Variants in DOCK3 observed in about 807,000 individuals in gnomAD.
DOCK3 encodes the protein dedicator of cytokinesis protein 3.
DOCK3 carries 60 observed loss-of-function variants against 265.6 expected under a neutral mutation model. The observed-to-expected ratio is 0.23, with a 90% CI of 0.18 to 0.28. The LOEUF (loss-of-function observed/expected upper bound fraction) is 0.28. DOCK3 is among the 10% of genes least tolerant of loss of function. The pLI, the probability that DOCK3 is intolerant of heterozygous loss-of-function variation, is 1.00. For synonymous variants in DOCK3, 881 were observed against 938.0 expected, an observed-to-expected ratio of 0.94 and a Z score of 1.11; for missense variants, 1,981 against 2,594.3, an observed-to-expected ratio of 0.76 and a Z score of 5.14.
intron 3 of DOCK3, chr3:50,877,249 C>G (rs2047748046): frequency 2.6e-5 from 9 of 341,454 alleles, no homozygotes; most frequent in South Asian, 2.1e-4. Context: ...CCTTCTTAAC[C>G]CTTTTTATTC....
rs1156713400 is a variant in DOCK3, at chr3:51,171,866, TCTG to T, written c.1037+11167_1037+11169del. The stretch of plus-strand genomic sequence containing the variant: ...CACTTGGTTTACACTGTTACTCAAG[TCTG>T]CTATTTCATTATTGATTTTCTGTTT... On this transcript the variant is annotated intron_variant, in intron 12 of 52. Coordinates refer to ENST00000266037, the MANE Select transcript of DOCK3 (RefSeq NM_004947.5). Among the ~76,000 whole-genome samples, 13 of 152,306 alleles carry T rather than the reference TCTG, an allele frequency of 8.5e-5. No individual in the cohort carries two copies. The South Asian group carries it at 2.3e-3, about 27-fold the overall frequency.
chr3:51,062,255 T>A (rs578214574), intron 5 of DOCK3, among the ~76,000 whole-genome samples: 1 of 152,286 alleles, frequency 6.6e-6, no homozygotes, highest in Admixed American at 6.5e-5. Flanking sequence ...GCCAAAGCCT[T>A]AAGGTGGTTT....
At chr3:51,133,212 C>A (rs183084123) in intron 9 of DOCK3, among the ~76,000 whole-genome samples, 1 of 152,100 alleles carries the variant, frequency 6.6e-6, no homozygotes, top group East Asian at 1.9e-4. Context: ...ATGTGCACAA[C>A]GTGCAGGTTT....
chr3:50,926,050 A>G (rs1323963488), intron 4 of DOCK3, among the ~76,000 whole-genome samples: 3 of 151,824 alleles, frequency 2.0e-5, no homozygotes, highest in Non-Finnish European at 4.4e-5. Context: ...CCAGGCTGGT[A>G]TCAAACTCCT....
chr3:50,910,509 C>T (rs2049801138), intron 4 of DOCK3, among the ~76,000 whole-genome samples: 1 of 152,104 alleles, frequency 6.6e-6, no homozygotes, highest in Non-Finnish European at 1.5e-5. Context: ...GCCTAGACTG[C>T]ATTTCAAATT....
chr3:51,381,685 C>G lies in DOCK3; in HGVS notation c.*126C>G. ...AGGCTTGCACTCAGGAGAGAACCACCCCCAAGTCTCCGTTCTACTGCCGTG... is the reference window on the plus strand; with the variant it reads ...AGGCTTGCACTCAGGAGAGAACCACGCCCAAGTCTCCGTTCTACTGCCGTG... On this transcript the variant is annotated 3_prime_UTR_variant, in exon 53 of 53. Coordinates refer to ENST00000266037, the MANE Select transcript of DOCK3 (RefSeq NM_004947.5). This position sits in a 1 kb window ranked among gnomAD's most constrained non-coding sequence, Gnocchi z 5.6. 7.7e-7 allele frequency: 1 copy of G among 1,299,946 alleles called. No homozygotes were observed. The highest frequency in any genetic ancestry group is 1.0e-6 in the Non-Finnish European group (1 of 981,028). The allele number at this position is 1,299,946 out of a possible 1,614,324, so 80.5% of individuals were successfully genotyped here. A position where few individuals can be genotyped will look rare whatever the true frequency, so the allele number is the denominator to read the frequency against.
chr3:50,848,049 G>T (rs114677784), intron 3 of DOCK3, among the ~76,000 whole-genome samples: 1 of 67,810 alleles, frequency 1.5e-5, no homozygotes, highest in African/African-American at 6.0e-5. Context: ...ATTATATCAC[G>T]CTCTTCTTTG....
chr3:50,888,427 C>T (rs1057161209), intron 3 of DOCK3, among the ~76,000 whole-genome samples: 8 of 152,104 alleles, frequency 5.3e-5, no homozygotes, highest in Non-Finnish European at 1.2e-4. Context: ...TGAAAATGGC[C>T]ATACTGCCCA....
intron 5 of DOCK3, among the ~76,000 whole-genome samples, chr3:50,973,648 A>G (rs2077330261): frequency 7.2e-6 from 1 of 138,434 alleles, no homozygotes; most frequent in Non-Finnish European, 1.5e-5. Flanking sequence ...CTTTGGGTAT[A>G]TACCCAGTAA....
At chr3:51,342,649 C>T (rs1286379962) in intron 38 of DOCK3, among the ~76,000 whole-genome samples, 1 of 152,176 alleles carries the variant, frequency 6.6e-6, no homozygotes. Context: ...GAGAGTTATC[C>T]TAATCTGACT....
At chr3:50,930,400 C>T (rs2050994304) in intron 4 of DOCK3, among the ~76,000 whole-genome samples, 1 of 152,196 alleles carries the variant, frequency 6.6e-6, no homozygotes, top group Non-Finnish European at 1.5e-5. Flanking sequence ...TCTGCCTGCT[C>T]CCTGCCCACA....
intron 2 of DOCK3, among the ~76,000 whole-genome samples, chr3:50,786,006 A>T (rs1420661240): frequency 6.6e-6 from 1 of 150,472 alleles, no homozygotes; most frequent in African/African-American, 2.5e-5. Flanking sequence ...TTGTCTGTTC[A>T]GAGTTTCTGT....
intron 5 of DOCK3, among the ~76,000 whole-genome samples, chr3:50,953,456 T>C (rs959429420): frequency 3.9e-5 from 6 of 152,096 alleles, no homozygotes; most frequent in African/African-American, 1.4e-4. Flanking sequence ...TTTCCACACC[T>C]AGTTATACAG....
In DOCK3 at chr3:50,707,156, G is replaced by T. The variant is rs574939811; in HGVS notation, c.37+31856G>T. 3.3e-5 allele frequency among the ~76,000 whole-genome samples: 5 copies of T among 152,194 alleles called. No homozygotes were observed. In the South Asian group the frequency reaches 1.0e-3, roughly 32 times the overall value. On this transcript the variant is annotated intron_variant, in intron 1 of 52. Coordinates refer to ENST00000266037, the MANE Select transcript of DOCK3 (RefSeq NM_004947.5). Reference sequence around the variant, plus strand: ...AGAAGCAGATGTTGCCATGCTTCCTGTACTACCTGTGGAACTGTGAGCCAG... The same window carrying T: ...AGAAGCAGATGTTGCCATGCTTCCTTTACTACCTGTGGAACTGTGAGCCAG...
rs199738845 is a variant in DOCK3 at position 51,339,031 on chromosome 3, A to G, written c.3766+3A>G. On this transcript the variant is annotated splice_donor_region_variant and intron_variant, in intron 37 of 52. Transcript: ENST00000266037. ...CTTGCAGGCCGAAAACTACACAGGTAAGTGGGGAGAAGAGAGAGCCATGCC... is the reference window on the plus strand; with the variant it reads ...CTTGCAGGCCGAAAACTACACAGGTGAGTGGGGAGAAGAGAGAGCCATGCC... The G allele has an allele frequency of 2.5e-6, 4 of 1,579,798 alleles. No homozygotes were observed. The highest frequency in any genetic ancestry group is 2.7e-5 in the African/African-American group (2 of 74,116).
chr3:50,798,269 G>A (rs561662567), intron 2 of DOCK3, among the ~76,000 whole-genome samples: 2 of 152,286 alleles, frequency 1.3e-5, no homozygotes, highest in South Asian at 2.1e-4. Flanking sequence ...ACCAGGTCTC[G>A]CTATGGAATG....
intron 27 of DOCK3, among the ~76,000 whole-genome samples, chr3:51,288,690 A>T (rs1043086873): frequency 1.3e-5 from 2 of 152,222 alleles, no homozygotes; most frequent in African/African-American, 4.8e-5. Flanking sequence ...GGAGGCCATT[A>T]GTCAATGGCC....
intron 4 of DOCK3, among the ~76,000 whole-genome samples, chr3:50,909,177 T>A (rs912575946): frequency 1.3e-5 from 2 of 152,066 alleles, no homozygotes; most frequent in African/African-American, 4.8e-5. Flanking sequence ...ATCTTGCCAT[T>A]CTGTGTCTTT....
intron 27 of DOCK3, among the ~76,000 whole-genome samples, chr3:51,281,443 C>A (rs2081113599): frequency 6.6e-6 from 1 of 151,898 alleles, no homozygotes; most frequent in Non-Finnish European, 1.5e-5. Context: ...TTAATTGCCT[C>A]TTTTTTTATT....
Sources: allele counts gnomAD v4.1 joint callset (sites outside exome capture counted in the v4.1 genomes callset), GRCh38; gene constraint gnomAD v4.1.1; non-coding constraint Gnocchi (gnomAD v3.1); transcripts MANE v1.5; gene names NCBI Gene and HGNC (gene_info 2026-07-23, HGNC 2026-07-21).